CSRNP3: variants seen among roughly 807,000 people sequenced by gnomAD.
The protein encoded by CSRNP3 is cysteine and serine rich nuclear protein 3.
In CSRNP3, 12 loss-of-function variants were observed where a neutral mutation model predicts 48.0. The observed-to-expected ratio is 0.25, with a 90% CI of 0.16 to 0.41. The LOEUF is 0.41. CSRNP3 is among the 10% of genes least tolerant of loss of function. The pLI is 1.00. For synonymous variants in CSRNP3, 263 were observed against 269.7 expected (o/e 0.98, Z 0.24); for missense variants, 580 against 724.4 (o/e 0.80, Z 2.29).
intron 3 of CSRNP3, among the ~76,000 whole-genome samples, chr2:165,547,143 T>G (rs1685040737): frequency 2.0e-5 from 3 of 152,204 alleles, no homozygotes; most frequent in Admixed American, 2.0e-4. Flanking sequence ...TGAAACATAC[T>G]GATGAACCTC....
At position 165,489,238 on chromosome 2, in the gene CSRNP3, CT is replaced by C. The variant is rs532497761; in HGVS notation, c.-282-5520del. Among the ~76,000 whole-genome samples the C allele has an allele frequency of 4.5e-3, 678 of 151,608 alleles. 7 individuals are homozygous for C. Among genetic ancestry groups the C allele is most frequent in the Non-Finnish European group, 3.9e-3 (265 of 67,910 alleles). ...CCTCAACACATACACCCTCCCAAGA[CT>C]AAACCAGGAAGAAGTTGAATCTCTG... On this transcript the variant is annotated intron_variant, in intron 1 of 6. Transcript: ENST00000651982.
At chr2:165,598,320 T>C (rs768308180) in intron 4 of CSRNP3, among the ~76,000 whole-genome samples, 16 of 152,158 alleles carry the variant, frequency 1.1e-4, no homozygotes, top group Non-Finnish European at 2.1e-4. Flanking sequence ...TTATCTATAC[T>C]GTCAGGCAAA....
At chr2:165,548,264 G>A (rs1353240381) in intron 3 of CSRNP3, among the ~76,000 whole-genome samples, 1 of 151,996 alleles carries the variant, frequency 6.6e-6, no homozygotes, top group Non-Finnish European at 1.5e-5. Flanking sequence ...GGGATTGGGG[G>A]TCTTAACATG....
chr2:165,574,567 A>G, intron 3 of CSRNP3: 1 of 530,766 alleles, frequency 1.9e-6, no homozygotes, highest in Admixed American at 3.8e-5. Flanking sequence ...TTATTTTTTT[A>G]ATTTTCTTCT....
intron 1 of CSRNP3, among the ~76,000 whole-genome samples, chr2:165,474,390 T>G (rs976326353): frequency 3.9e-5 from 6 of 152,140 alleles, no homozygotes; most frequent in African/African-American, 1.4e-4. Context: ...TGCAGGCTTA[T>G]ACCACTGTCC....
chr2:165,602,925 C>CT (rs1422386647), intron 4 of CSRNP3, among the ~76,000 whole-genome samples: 1 of 151,878 alleles, frequency 6.6e-6, no homozygotes, highest in Non-Finnish European at 1.5e-5. Context: ...GAGACAGAGT[C>CT]TCGCTGTCGC....
At chr2:165,665,162 A>T (rs1270954822) in intron 5 of CSRNP3, among the ~76,000 whole-genome samples, 2 of 152,158 alleles carry the variant, frequency 1.3e-5, no homozygotes, top group Non-Finnish European at 2.9e-5. Flanking sequence ...TATCCTCAAG[A>T]GTAAAAGGAG....
chr2:165,672,615 T>C (rs139065787), intron 5 of CSRNP3, among the ~76,000 whole-genome samples: 192 of 152,274 alleles, frequency 1.3e-3, no homozygotes, highest in Non-Finnish European at 1.0e-3. Flanking sequence ...GACCATATCA[T>C]GCATCATGGA....
At chr2:165,491,940 TAAAGTA>T (rs1216669431) in intron 1 of CSRNP3, among the ~76,000 whole-genome samples, 1 of 134,594 alleles carries the variant, frequency 7.4e-6, no homozygotes, top group African/African-American at 2.8e-5. Context: ...CCCTAAAACT[TAAAGTA>T]TAATAAAAAA....
At chr2:165,502,936 T>C (rs1684376968) in intron 2 of CSRNP3, among the ~76,000 whole-genome samples, 1 of 151,968 alleles carries the variant, frequency 6.6e-6, no homozygotes, top group African/African-American at 2.4e-5. Context: ...TTGCCTTGTG[T>C]ATGTGTGTGT....
At chr2:165,527,922 CAGAG>C (rs753575588) in intron 3 of CSRNP3, among the ~76,000 whole-genome samples, 5 of 140,540 alleles carry the variant, frequency 3.6e-5, no homozygotes, top group Admixed American at 7.2e-5. Flanking sequence ...GACAGGGAGA[CAGAG>C]AGAGAGAGAG....
chr2:165,640,635 C>G (rs949942572), intron 4 of CSRNP3, among the ~76,000 whole-genome samples: 2 of 152,162 alleles, frequency 1.3e-5, no homozygotes, highest in African/African-American at 4.8e-5. Flanking sequence ...AATAATGTAG[C>G]TAGATTATTA....
At chr2:165,596,670 A>G (rs1685816226) in intron 4 of CSRNP3, among the ~76,000 whole-genome samples, 1 of 152,188 alleles carries the variant, frequency 6.6e-6, no homozygotes, top group Non-Finnish European at 1.5e-5. Context: ...TCATGATGGT[A>G]TGAAATGAGC....
chr2:165,618,902 T>C (rs999160379), intron 4 of CSRNP3, among the ~76,000 whole-genome samples: 2 of 152,224 alleles, frequency 1.3e-5, no homozygotes, highest in Admixed American at 6.5e-5. Flanking sequence ...AATTATGTGG[T>C]GTGAATTTGA....
At chr2:165,592,876 A>G (rs1158612426) in intron 3 of CSRNP3, among the ~76,000 whole-genome samples, 6 of 137,522 alleles carry the variant, frequency 4.4e-5, no homozygotes, top group Non-Finnish European at 7.6e-5. Context: ...ATCTCGGCTC[A>G]CTGCAAGCTC....
At chr2:165,592,188 A>G (rs1237318658) in intron 3 of CSRNP3, among the ~76,000 whole-genome samples, 1 of 152,168 alleles carries the variant, frequency 6.6e-6, no homozygotes, top group Non-Finnish European at 1.5e-5. Context: ...TGGCTACCCT[A>G]TTGTAATTTG....
At chr2:165,658,074 T>C in intron 5 of CSRNP3, 54 bp downstream of exon 5, 1 of 1,556,550 alleles carries the variant, frequency 6.4e-7, no homozygotes. Context: ...GCAATTTGAT[T>C]GAGTTAACCA....
chr2:165,517,732 T>G (rs1684599917), intron 2 of CSRNP3, 141 bp from the exon 3 acceptor site: 1 of 152,386 alleles, frequency 6.6e-6, no homozygotes, highest in Non-Finnish European at 1.5e-5. Flanking sequence ...GATTATTCAG[T>G]TCTGTATTTA....
At chr2:165,507,215 G>A (rs1684438220) in intron 2 of CSRNP3, among the ~76,000 whole-genome samples, 1 of 151,986 alleles carries the variant, frequency 6.6e-6, no homozygotes, top group South Asian at 2.1e-4. Context: ...ATAAAAATAA[G>A]TAAAATGTTT....
Sources: allele counts gnomAD v4.1 joint callset (sites outside exome capture counted in the v4.1 genomes callset), GRCh38; gene constraint gnomAD v4.1.1; transcripts MANE v1.5; gene names NCBI Gene and HGNC (gene_info 2026-07-23, HGNC 2026-07-21).